Variants in PLEKHH1 observed in about 807,000 individuals in gnomAD.
PLEKHH1 encodes the protein pleckstrin homology domain-containing family H member 1.
In PLEKHH1, 104 loss-of-function variants were observed where a neutral mutation model predicts 160.0. The ratio of observed to expected loss-of-function variants is 0.65; its 90% CI spans 0.55 to 0.76. The LOEUF is 0.76. Among genes scored for constraint, PLEKHH1 ranks in the 30% least tolerant of loss-of-function variants. The pLI is 0.00. For missense variants in PLEKHH1, 1,427 were observed against 1,724.1 expected (o/e 0.83, Z 3.05); for synonymous variants, 619 against 678.4 (o/e 0.91, Z 1.36).
intron 28 of PLEKHH1, 151 bp from the exon 29 acceptor site, chr14:67,586,923 T>C (rs2036195503): frequency 1.3e-6 from 2 of 1,540,124 alleles, no homozygotes; most frequent in Admixed American, 2.0e-5. Flanking sequence ...AGCACAGTTA[T>C]GATTCCCTTT....
rs757800146 is a variant in PLEKHH1, at chr14:67,587,224, A to G, written c.4084A>G (p.Thr1362Ala). Residue 1362 changes from threonine to alanine, a missense_variant, in exon 29 of 29, where the codon ACG (threonine) becomes GCG (alanine). By Grantham distance (58) the Thr-to-Ala change is moderately conservative (BLOSUM62 0). This residue lies in a region of PLEKHH1 where 96 missense variants were observed against 97.6 expected (regional missense o/e 0.98). Coordinates refer to ENST00000329153, the MANE Select transcript of PLEKHH1 (RefSeq NM_020715.3). ...SSVSCATKGPTLL is the reference protein window; with the variant it reads ...SSVSCATKGPALL The stretch of plus-strand genomic sequence containing the variant: ...TGTTTCCTGTGCTACCAAGGGGCCA[A>G]CGTTGCTGTGAATATTTCTCCTACC... 16 of 1,613,662 alleles carry G rather than the reference A, an allele frequency of 9.9e-6. No homozygotes were observed. Among genetic ancestry groups the G allele is most frequent in the Non-Finnish European group, 1.3e-5 (15 of 1,179,778 alleles).
Position 67,586,009 on chromosome 14 carries a change from A to T in PLEKHH1, c.3845A>T (p.Asp1282Val), listed in dbSNP as rs1286418325. 6.2e-7 allele frequency: 1 copy of T among 1,613,644 alleles called. No individual in the cohort carries two copies. Among genetic ancestry groups the T allele is most frequent in the Non-Finnish European group, 8.5e-7 (1 of 1,179,726 alleles). The change falls in exon 28 of 29, where the codon GAC (aspartate) becomes GTC (valine). Residue 1282 changes from aspartate (D) to valine (V), a missense_variant. Asp to Val is a radical substitution (Grantham distance 152). Transcript: ENST00000329153. The part of the protein sequence containing the change: ...SVTTFGGCRD[D>V]FMLVIRSIPD... ...ACAACGTTTGGTGGCTGCAGGGATG[A>T]CTTCATGCTTGTGATTAGATCTATC...
intron 1 of PLEKHH1, among the ~76,000 whole-genome samples, chr14:67,534,704 C>T (rs1303023886): frequency 5.3e-5 from 8 of 152,004 alleles, no homozygotes; most frequent in Admixed American, 5.2e-4. Context: ...AAACTAACAA[C>T]TAAGCTGAAA....
In PLEKHH1 at chr14:67,562,282, A is replaced by G; in HGVS notation, c.651A>G (p.Ala217=). Residue 217 remains alanine, a synonymous_variant, in exon 7 of 29, where the codon GCA becomes GCG. Transcript: ENST00000329153. ...AGGGTCTGAAGGCAGCTGTGCTTGC[A>G]CCTTCCCCAGGTGCCCTGCAGAGCA... is the stretch of plus-strand genomic sequence containing the variant. ...QAQGLKAAVL[A]PSPGALQSKD... is the part of the protein sequence containing the mutation. 6.2e-7 allele frequency: 1 copy of G among 1,613,734 alleles called. No individual in the cohort carries two copies. The highest frequency in any genetic ancestry group is 8.5e-7 in the Non-Finnish European group (1 of 1,179,790).
At chr14:67,542,035 G>T in intron 2 of PLEKHH1, 42 bp downstream of exon 2, 1 of 1,532,522 alleles carries the variant, frequency 6.5e-7, no homozygotes, top group Non-Finnish European at 8.8e-7. Flanking sequence ...CACACGCAGA[G>T]GTTTATGGCA....
At chr14:67,559,380 G>C (rs568949378) in intron 4 of PLEKHH1, among the ~76,000 whole-genome samples, 1 of 152,116 alleles carries the variant, frequency 6.6e-6, no homozygotes, top group Admixed American at 6.5e-5. Context: ...GGGATATGCC[G>C]CGTTTATTCA....
chr14:67,586,795 C>G (rs1304622788), intron 28 of PLEKHH1: 1 of 1,400,730 alleles, frequency 7.1e-7, no homozygotes, highest in Non-Finnish European at 9.4e-7. Flanking sequence ...AAGAAGGCCC[C>G]TTCCCTGGTT....
At chr14:67,548,808 C>G (rs935510642) in intron 2 of PLEKHH1, among the ~76,000 whole-genome samples, 1 of 152,230 alleles carries the variant, frequency 6.6e-6, no homozygotes, top group Non-Finnish European at 1.5e-5. Context: ...ACCATGTGTA[C>G]TTTCGCTCTG....
At chr14:67,568,377 C>T (rs148810857) in intron 7 of PLEKHH1, among the ~76,000 whole-genome samples, 2 of 152,000 alleles carry the variant, frequency 1.3e-5, no homozygotes, top group African/African-American at 4.8e-5. Flanking sequence ...TTCTCACTTA[C>T]AAGTGGGAGC....
At chr14:67,534,764 G>A (rs536895361) in intron 1 of PLEKHH1, among the ~76,000 whole-genome samples, 1 of 152,030 alleles carries the variant, frequency 6.6e-6, no homozygotes, top group Non-Finnish European at 1.5e-5. Flanking sequence ...CTGTAGGGGA[G>A]AGCATGTTCC....
At chr14:67,577,132 A>G (rs939356352) in intron 17 of PLEKHH1, among the ~76,000 whole-genome samples, 170 bp from the exon 18 acceptor site, 1 of 152,204 alleles carries the variant, frequency 6.6e-6, no homozygotes, top group Admixed American at 6.5e-5. Flanking sequence ...TGCTCATTGC[A>G]GTGCCCACCT....
chr14:67,578,453 A>T lies in PLEKHH1; in HGVS notation c.2752-81A>T. ...GCTCTGGTTTGGGGAAAGAGTGCTG[A>T]AGGCTCTGTAGCTCAGGGCTATGAG... On this transcript the variant is annotated intron_variant, in intron 19 of 28. Coordinates refer to ENST00000329153, the MANE Select transcript of PLEKHH1 (RefSeq NM_020715.3). The surrounding 1 kb of genome is among the most constrained non-coding windows in gnomAD (Gnocchi z 5.0). The T allele has an allele frequency of 9.6e-7, 1 of 1,037,888 alleles. No individual in the cohort carries two copies. Among genetic ancestry groups the T allele is most frequent in the Non-Finnish European group, 1.5e-6 (1 of 681,406 alleles). 64.3% of individuals were successfully genotyped at this position (1,037,888 alleles called of 1,614,324 possible). A position where few individuals can be genotyped will look rare whatever the true frequency, so the allele number is the denominator to read the frequency against.
chr14:67,579,339 C>T (rs749441797), intron 21 of PLEKHH1, 28 bp downstream of exon 21: 24 of 1,455,058 alleles, frequency 1.6e-5, no homozygotes, highest in Admixed American at 2.9e-5. Flanking sequence ...CTCTTTGCCC[C>T]GAGTCTTCTC....
In PLEKHH1 at chr14:67,572,259, C is replaced by T. The variant is rs374729550; in HGVS notation, c.1710C>T (p.Asp570=). ...KLQRTSSYST[D]GLGLGGESLE... is the part of the protein sequence containing the mutation. Reference sequence around the variant, plus strand: ...AGCGCACCTCATCCTACTCCACCGACGGGCTGGGCCTGGGCGGGGTGAGCC... The same window carrying T: ...AGCGCACCTCATCCTACTCCACCGATGGGCTGGGCCTGGGCGGGGTGAGCC... The change falls in exon 11 of 29, where the codon GAC becomes GAT. Residue 570 remains aspartate, a synonymous_variant. Transcript: ENST00000329153. 933 of 1,602,694 alleles carry T rather than the reference C, an allele frequency of 5.8e-4. 1 individual carries two copies. Among genetic ancestry groups the T allele is most frequent in the South Asian group, 1.6e-3 (144 of 89,078 alleles).
At chr14:67,558,305 T>C (rs2034677938) in intron 4 of PLEKHH1, among the ~76,000 whole-genome samples, 1 of 152,208 alleles carries the variant, frequency 6.6e-6, no homozygotes, top group African/African-American at 2.4e-5. Context: ...CTTCTCCATG[T>C]AGGAGAAGCC....
At chr14:67,542,025 C>A in intron 2 of PLEKHH1, 32 bp downstream of exon 2, 1 of 1,567,778 alleles carries the variant, frequency 6.4e-7, no homozygotes. Context: ...GCTGCCTCTC[C>A]ACACGCAGAG....
intron 2 of PLEKHH1, 71 bp downstream of exon 2, chr14:67,542,064 A>G: frequency 7.2e-7 from 1 of 1,388,774 alleles, no homozygotes; most frequent in Non-Finnish European, 9.6e-7. Context: ...CGTGTGAGAG[A>G]GGGAGAGTTG....
At chr14:67,565,749 A>G (rs928386742) in intron 7 of PLEKHH1, among the ~76,000 whole-genome samples, 1 of 152,186 alleles carries the variant, frequency 6.6e-6, no homozygotes, top group Non-Finnish European at 1.5e-5. Flanking sequence ...AGGGGGTGAC[A>G]TCAGGGTGGA....
chr14:67,583,159 G>T (rs999884619), intron 24 of PLEKHH1, among the ~76,000 whole-genome samples: 4 of 152,140 alleles, frequency 2.6e-5, no homozygotes, highest in African/African-American at 9.7e-5. Context: ...TTACATGCTG[G>T]AAAGGAAGAG....
Sources: gnomAD v4.1 joint callset for allele counts (sites outside exome capture counted in the v4.1 genomes callset) on GRCh38, gnomAD v4.1.1 for gene constraint, gnomAD v4.1.1 regional missense constraint, Gnocchi (gnomAD v3.1) non-coding constraint, MANE v1.5 for transcripts, NCBI Gene and HGNC (gene_info 2026-07-23, HGNC 2026-07-21) for gene names.